Variants in DHX8 observed in about 807,000 individuals in gnomAD.
DHX8 encodes the protein ATP-dependent RNA helicase DHX8.
A neutral mutation model predicts 140.7 loss-of-function variants in DHX8; 67 were observed. The observed-to-expected ratio is 0.48, with a 90% confidence interval of 0.39 to 0.58. The LOEUF (loss-of-function observed/expected upper bound fraction) is 0.58, where lower values mean the gene tolerates loss of function less well. Among genes scored for constraint, DHX8 ranks in the 20% least tolerant of loss-of-function variants. DHX8 has a pLI of 0.00. For synonymous variants in DHX8, 533 were observed against 553.2 expected (o/e 0.96, Z 0.51); for missense variants, 887 against 1,550.7 (o/e 0.57, Z 7.19).
intron 8 of DHX8, among the ~76,000 whole-genome samples, chr17:43,494,755 AGTGTTTAGC>A (rs1968754319): frequency 6.7e-6 from 1 of 148,390 alleles, no homozygotes. Flanking sequence ...CTCTTAGGTT[AGTGTTTAGC>A]ATATGGTAAT....
chr17:43,510,607 AT>A (rs1285691691), intron 16 of DHX8, among the ~76,000 whole-genome samples: 1 of 151,904 alleles, frequency 6.6e-6, no homozygotes, highest in African/African-American at 2.4e-5. Context: ...TTATTGTTGA[AT>A]TTTTTTCCTC....
At chr17:43,502,077 T>C (rs916171380) in intron 11 of DHX8, among the ~76,000 whole-genome samples, 1 of 152,266 alleles carries the variant, frequency 6.6e-6, no homozygotes, top group African/African-American at 2.4e-5. Flanking sequence ...AATGGGTTTG[T>C]GGGGAAAGAT....
chr17:43,533,037 G>C, intron 2 of DHX8: 9 of 1,496,502 alleles, frequency 6.0e-6, no homozygotes, highest in Non-Finnish European at 8.1e-6. Flanking sequence ...CTCCGGAATG[G>C]GGGGTAGGGG....
chr17:43,499,900 C>G (rs1456658651), intron 10 of DHX8, 56 bp from the exon 11 acceptor site: 4 of 1,596,132 alleles, frequency 2.5e-6, no homozygotes, highest in Non-Finnish European at 2.6e-6. Flanking sequence ...AGCTTAACTT[C>G]TACATATTAT....
chr17:43,508,240 ATG>A (rs1969600652), intron 15 of DHX8, 97 bp from the exon 16 acceptor site: 8 of 1,466,138 alleles, frequency 5.5e-6, no homozygotes, highest in Middle Eastern at 2.1e-4. Context: ...ATGAATGCAT[ATG>A]TTCTGTTATT....
intron 16 of DHX8, among the ~76,000 whole-genome samples, chr17:43,510,617 T>A (rs1329103165): frequency 1.3e-5 from 2 of 152,214 alleles, no homozygotes; most frequent in African/African-American, 4.8e-5. Flanking sequence ...ATTTTTTTCC[T>A]CAAATATTTT....
At chr17:43,526,274 T>G, downstream of DHX8, 2 of 1,349,576 alleles carry the variant, frequency 1.5e-6, no homozygotes, top group South Asian at 3.4e-5. Context: ...TGCAGAGAGC[T>G]GGGATCTTCT....
chr17:43,540,957 G>A (rs1025827530), intron 3 of DHX8, among the ~76,000 whole-genome samples: 9 of 152,156 alleles, frequency 5.9e-5, no homozygotes, highest in Non-Finnish European at 8.8e-5. Flanking sequence ...GAGGTAATGG[G>A]CTGGGGGTAT....
chr17:43,504,529 C>T (rs548859542), intron 11 of DHX8, 115 bp from the exon 12 acceptor site: 12 of 979,108 alleles, frequency 1.2e-5, no homozygotes, highest in South Asian at 5.0e-5. Context: ...CTTTTGATCA[C>T]GGGTCGCTGA....
chr17:43,523,617 TC>T lies in DHX8; in HGVS notation c.3444-5del, dbSNP rs756704785. The T allele has an allele frequency of 1.2e-6, 2 of 1,613,688 alleles. No individual in the cohort carries two copies. Among genetic ancestry groups the T allele is most frequent in the Non-Finnish European group, 8.5e-7 (1 of 1,179,800 alleles). On this transcript the variant is annotated splice_polypyrimidine_tract_variant and intron_variant, in intron 22 of 22. Coordinates refer to ENST00000262415, the MANE Select transcript of DHX8 (RefSeq NM_004941.3). ...TCCAGAGGCTTGAGTACTATCTCTG[TC>T]CCCCCTCAGGGTGGTGTACCATGAG...
At chr17:43,490,554 CT>C in intron 3 of DHX8, 91 bp downstream of exon 3, 1 of 1,073,326 alleles carries the variant, frequency 9.3e-7, no homozygotes, top group South Asian at 1.4e-5. Context: ...TCAGCAGTTG[CT>C]GAGCAAGTAA....
At chr17:43,505,763 G>A (rs954195574) in intron 12 of DHX8, among the ~76,000 whole-genome samples, 1 of 151,854 alleles carries the variant, frequency 6.6e-6, no homozygotes, top group African/African-American at 2.4e-5. Flanking sequence ...GAGTGCTTCG[G>A]TACTCTATAT....
At chr17:43,488,821 G>A (rs1048818060) in intron 1 of DHX8, among the ~76,000 whole-genome samples, 2 of 152,146 alleles carry the variant, frequency 1.3e-5, no homozygotes, top group African/African-American at 4.8e-5. Context: ...AGCGTGCCCA[G>A]GTAGTGGTTT....
At chr17:43,494,867 A>G (rs1031456100) in intron 8 of DHX8, among the ~76,000 whole-genome samples, 6 of 144,808 alleles carry the variant, frequency 4.1e-5, no homozygotes, top group African/African-American at 1.5e-4. Context: ...GCTGGAGTAC[A>G]GTGGTGCGAT....
intron 12 of DHX8, among the ~76,000 whole-genome samples, chr17:43,506,791 G>A (rs956480299): frequency 6.6e-6 from 1 of 152,146 alleles, no homozygotes; most frequent in African/African-American, 2.4e-5. Context: ...GGGAGTTACA[G>A]TGGGAAGGAA....
At chr17:43,484,890 C>T (rs1206887904) in intron 1 of DHX8, among the ~76,000 whole-genome samples, 1 of 152,160 alleles carries the variant, frequency 6.6e-6, no homozygotes, top group Non-Finnish European at 1.5e-5. Flanking sequence ...CAGTCCTCTT[C>T]CCTCGGCCTC....
At chr17:43,522,277 C>G in intron 22 of DHX8, 51 bp downstream of exon 22, 1 of 1,544,330 alleles carries the variant, frequency 6.5e-7, no homozygotes, top group Non-Finnish European at 8.8e-7. Flanking sequence ...AGAGAAAAAC[C>G]TGTAAATTTC....
intron 3 of DHX8, among the ~76,000 whole-genome samples, chr17:43,540,857 G>A (rs1051564048): frequency 1.3e-5 from 2 of 152,122 alleles, no homozygotes; most frequent in African/African-American, 4.8e-5. Context: ...AGGCAAGAAG[G>A]GTCCCAAGGG....
chr17:43,487,659 A>C (rs1285933387), intron 1 of DHX8, among the ~76,000 whole-genome samples: 1 of 152,140 alleles, frequency 6.6e-6, no homozygotes, highest in Non-Finnish European at 1.5e-5. Context: ...AAAGTAGCTT[A>C]ATAAATAGCT....
Sources: gnomAD v4.1 joint callset for allele counts (sites outside exome capture counted in the v4.1 genomes callset) on GRCh38, gnomAD v4.1.1 for gene constraint, MANE v1.5 for transcripts, NCBI Gene and HGNC (gene_info 2026-07-23, HGNC 2026-07-21) for gene names.